Variants in EXTL3 observed in about 807,000 individuals in gnomAD.
EXTL3 encodes the protein exostosin-like 3.
Under a neutral mutation model 69.3 loss-of-function variants are expected in EXTL3, and 27 were observed. The observed-to-expected ratio is 0.39, with a 90% CI of 0.29 to 0.54. EXTL3 has a LOEUF of 0.54. Among genes scored for constraint, EXTL3 ranks in the 20% least tolerant of loss-of-function variants. EXTL3 has a pLI of 0.69. For synonymous variants in EXTL3, 511 were observed against 499.4 expected (o/e 1.02, Z -0.31); for missense variants, 1,003 against 1,231.8 (o/e 0.81, Z 2.78).
At position 28,626,142 on chromosome 8, in the gene EXTL3, A is replaced by G. The variant is rs2130551478; in HGVS notation, c.-53+3332A>G. On this transcript the variant is annotated intron_variant, in intron 1 of 6. Transcript: ENST00000523149. Reference sequence around the variant, plus strand: ...AGCTGAGATTGCACCATTGCACTACAATCTGGGCAACAGGGTGAGACCCTG... The same window carrying G: ...AGCTGAGATTGCACCATTGCACTACGATCTGGGCAACAGGGTGAGACCCTG... Among the ~76,000 whole-genome samples the G allele has an allele frequency of 2.0e-5, 3 of 150,730 alleles. No individual in the cohort carries two copies. In the Admixed American group the frequency reaches 2.0e-4, roughly 10 times the overall value.
At position 28,716,407 on chromosome 8, in the gene EXTL3, C is replaced by G; in HGVS notation, c.348C>G (p.Ala116=). The G allele has an allele frequency of 1.9e-6, 3 of 1,613,876 alleles. No homozygotes were observed. Among genetic ancestry groups the G allele is most frequent in the Non-Finnish European group, 8.5e-7 (1 of 1,179,982 alleles). ...CCAAGCTGAATCTGAAGATCGAAGC[C>G]TGTAAGAAGAGCATTGAGAACGCCA... The part of the protein sequence containing the change: ...EIAKLNLKIE[A]CKKSIENAKQ... Residue 116 remains alanine (A), a synonymous_variant, in exon 3 of 7, where the codon GCC becomes GCG. Coordinates refer to ENST00000220562, the MANE Select transcript of EXTL3 (RefSeq NM_001440.4). This position sits in a 1 kb window ranked among gnomAD's most constrained non-coding sequence, Gnocchi z 7.1.
chr8:28,684,132 C>A (rs1024424494), intron 1 of EXTL3, among the ~76,000 whole-genome samples: 1 of 152,140 alleles, frequency 6.6e-6, no homozygotes, highest in Non-Finnish European at 1.5e-5. Flanking sequence ...GTGGAATAGT[C>A]CTCCCTTGTG....
intron 5 of EXTL3, among the ~76,000 whole-genome samples, chr8:28,738,193 C>T (rs1563222794): frequency 6.6e-6 from 1 of 152,188 alleles, no homozygotes; most frequent in Non-Finnish European, 1.5e-5. Context: ...CTTTCCTCCT[C>T]TACTGTTCTG....
chr8:28,725,414 G>C (rs145363862), intron 3 of EXTL3, among the ~76,000 whole-genome samples: 7 of 152,068 alleles, frequency 4.6e-5, no homozygotes, highest in East Asian at 3.9e-4. Flanking sequence ...TTTTGCTATA[G>C]AAAACTACAC....
chr8:28,683,727 G>A (rs933960770), intron 1 of EXTL3, among the ~76,000 whole-genome samples: 3 of 151,894 alleles, frequency 2.0e-5, no homozygotes, highest in Non-Finnish European at 2.9e-5. Context: ...GGAGAATGGC[G>A]AGAACCCAGG....
At chr8:28,669,350 C>T (rs1323229463) in intron 1 of EXTL3, among the ~76,000 whole-genome samples, 1 of 152,256 alleles carries the variant, frequency 6.6e-6, no homozygotes. Context: ...CAGTTACCTA[C>T]ATCAGTACTT....
chr8:28,719,116 G>T (rs1226561668), intron 3 of EXTL3, among the ~76,000 whole-genome samples: 1 of 152,184 alleles, frequency 6.6e-6, no homozygotes, highest in Non-Finnish European at 1.5e-5. Flanking sequence ...GCCACACGTT[G>T]CTAGAAGTCT....
intron 3 of EXTL3, among the ~76,000 whole-genome samples, chr8:28,720,801 G>C (rs1451395031): frequency 1.3e-5 from 2 of 152,194 alleles, no homozygotes; most frequent in African/African-American, 4.8e-5. Context: ...CCTTGCTCTT[G>C]TATATTTTGT....
At chr8:28,649,686 C>G (rs186887353) in intron 1 of EXTL3, among the ~76,000 whole-genome samples, 1 of 152,178 alleles carries the variant, frequency 6.6e-6, no homozygotes, top group African/African-American at 2.4e-5. Flanking sequence ...CTTACTTTGT[C>G]TATGGTATAT....
At chr8:28,747,737 T>C (rs1253988976) in intron 6 of EXTL3, among the ~76,000 whole-genome samples, 8 of 143,348 alleles carry the variant, frequency 5.6e-5, no homozygotes, top group Admixed American at 5.5e-4. Context: ...TCTTTTTTTT[T>C]TTTTTTTTTG....
At chr8:28,711,252 C>G (rs1285163497) in intron 1 of EXTL3, among the ~76,000 whole-genome samples, 2 of 152,058 alleles carry the variant, frequency 1.3e-5, no homozygotes, top group African/African-American at 4.8e-5. Context: ...GTAGGTTTTT[C>G]AAACCAGTGA....
In EXTL3 at chr8:28,635,929, A is replaced by G. The variant is rs551875445; in HGVS notation, c.-53+13119A>G. ...AGAGATGGGGTTTGCCATGTTGGCCAGGCTGGTTTTGAACTCCTGAGCTCA... is the reference window on the plus strand; with the variant it reads ...AGAGATGGGGTTTGCCATGTTGGCCGGGCTGGTTTTGAACTCCTGAGCTCA... On this transcript the variant is annotated intron_variant, in intron 1 of 6. Coordinates refer to the EXTL3 transcript ENST00000523149. 3.9e-5 allele frequency among the ~76,000 whole-genome samples: 6 copies of G among 152,328 alleles called. No homozygotes were observed. In the South Asian group the frequency reaches 1.2e-3, roughly 32 times the overall value.
chr8:28,727,258 C>T (rs1049566281), intron 3 of EXTL3, among the ~76,000 whole-genome samples: 2 of 152,118 alleles, frequency 1.3e-5, no homozygotes, highest in Non-Finnish European at 2.9e-5. Context: ...TCATCCAGCC[C>T]AGAGCAGTTG....
At chr8:28,665,112 C>T (rs1269235454) in intron 1 of EXTL3, among the ~76,000 whole-genome samples, 1 of 140,048 alleles carries the variant, frequency 7.1e-6, no homozygotes, top group African/African-American at 2.7e-5. Flanking sequence ...CACTCTATCG[C>T]CCAGACTGGG....
In EXTL3 at chr8:28,752,817, G is replaced by T. The variant is rs1802037175; in HGVS notation, c.*1951G>T. ...CTCGGGGAGCCAAAGAGTGTGGTGT[G>T]TGGCGCTATATTGTGGCTGCTATTT... On this transcript the variant is annotated 3_prime_UTR_variant, in exon 7 of 7. Transcript: ENST00000220562. The T allele has an allele frequency of 6.5e-6, 1 of 152,920 alleles. No individual in the cohort carries two copies. The highest frequency in any genetic ancestry group is 1.5e-5 in the Non-Finnish European group (1 of 68,234). 9.5% of individuals were successfully genotyped at this position (152,920 alleles called of 1,614,324 possible). A position where few individuals can be genotyped will look rare whatever the true frequency, so the allele number is the denominator to read the frequency against.
Position 28,717,420 on chromosome 8 carries a change from C to G in EXTL3, c.1361C>G (p.Ala454Gly), listed in dbSNP as rs762536672. 6.2e-6 allele frequency: 10 copies of G among 1,614,160 alleles called. No individual in the cohort carries two copies. The East Asian group carries it at 1.3e-4, about 22-fold the overall frequency. ...GGGTGTGCAACACGGCTCTTCGAAG[C>G]CCTGGAAGTCGGTGCCGTCCCGGTG... ...SSGCATRLFEALEVGAVPVVL... is the reference protein window; with the variant it reads ...SSGCATRLFEGLEVGAVPVVL... Residue 454 changes from alanine to glycine, a missense_variant, in exon 3 of 7, where the codon GCC becomes GGC. Ala to Gly is a moderately conservative substitution (Grantham distance 60). Coordinates refer to ENST00000220562, the MANE Select transcript of EXTL3 (RefSeq NM_001440.4). This position sits in a 1 kb window ranked among gnomAD's most constrained non-coding sequence, Gnocchi z 8.3.
At chr8:28,675,499 C>T (rs905113710) in intron 1 of EXTL3, among the ~76,000 whole-genome samples, 1 of 152,080 alleles carries the variant, frequency 6.6e-6, no homozygotes, top group Non-Finnish European at 1.5e-5. Context: ...GCAGTAGTGC[C>T]CAGCTACACT....
At chr8:28,726,674 A>G (rs1801419358) in intron 3 of EXTL3, among the ~76,000 whole-genome samples, 1 of 152,076 alleles carries the variant, frequency 6.6e-6, no homozygotes, top group African/African-American at 2.4e-5. Flanking sequence ...AGACGCAAGT[A>G]GCGCACCCTT....
intron 1 of EXTL3, among the ~76,000 whole-genome samples, chr8:28,653,863 A>G (rs1806964929): frequency 6.6e-6 from 1 of 152,038 alleles, no homozygotes. Flanking sequence ...ATTTTTGGCT[A>G]TTTTGAGTCT....
Sources: allele counts gnomAD v4.1 joint callset (sites outside exome capture counted in the v4.1 genomes callset), GRCh38; gene constraint gnomAD v4.1.1; non-coding constraint Gnocchi (gnomAD v3.1); transcripts MANE v1.5; gene names NCBI Gene and HGNC (gene_info 2026-07-23, HGNC 2026-07-21).